TENT2: variants seen among roughly 807,000 people sequenced by gnomAD.
TENT2 encodes terminal nucleotidyltransferase 2, also known as poly(A) RNA polymerase GLD2.
TENT2 carries 44 observed loss-of-function variants against 72.2 expected under a neutral mutation model. The observed-to-expected ratio is 0.61, with a 90% CI of 0.48 to 0.78. The LOEUF (loss-of-function observed/expected upper bound fraction) is 0.78, where lower values mean the gene tolerates loss of function less well. Ranked by LOEUF, TENT2 falls within the 30% of genes least tolerant of loss-of-function variation. The probability of loss-of-function intolerance (pLI) is 0.00; values close to 1 mark genes in which losing one functional copy is unlikely to be tolerated. For synonymous variants in TENT2, 212 were observed against 192.5 expected (o/e 1.10, Z -0.84); for missense variants, 541 against 569.6 (o/e 0.95, Z 0.51).
At chr5:79,672,734 A>C (rs2150741082) in intron 12 of TENT2, among the ~76,000 whole-genome samples, 1 of 152,262 alleles carries the variant, frequency 6.6e-6, no homozygotes, top group Non-Finnish European at 1.5e-5. Flanking sequence ...GTTCCTTCTA[A>C]ATTTTGGCTA....
chr5:79,687,174 C>G lies in TENT2; in HGVS notation c.*1901C>G, dbSNP rs1250211408. On this transcript the variant is annotated 3_prime_UTR_variant, in exon 15 of 15. Coordinates refer to ENST00000453514, the MANE Select transcript of TENT2 (RefSeq NM_001114394.3). Reference sequence around the variant, plus strand: ...CCACGAAAAACAGATCAAGAAGTCACTAAACTTAGACCCAATTCTATATCA... The same window carrying G: ...CCACGAAAAACAGATCAAGAAGTCAGTAAACTTAGACCCAATTCTATATCA... Among the ~76,000 whole-genome samples, 1 of 152,180 alleles carries G rather than the reference C, an allele frequency of 6.6e-6. No homozygotes were observed.
intron 11 of TENT2, among the ~76,000 whole-genome samples, chr5:79,659,893 G>A (rs1225292589): frequency 2.6e-5 from 4 of 151,364 alleles, no homozygotes; most frequent in African/African-American, 7.3e-5. Context: ...TACCTTTAAG[G>A]GCAGCAGTTA....
At chr5:79,670,026 C>A (rs557057632) in intron 12 of TENT2, among the ~76,000 whole-genome samples, 1 of 151,668 alleles carries the variant, frequency 6.6e-6, no homozygotes, top group African/African-American at 2.4e-5. Context: ...TCGAGACCAG[C>A]CAGACCAACA....
At chr5:79,636,482 T>C (rs1398015414) in intron 4 of TENT2, among the ~76,000 whole-genome samples, 3 of 152,222 alleles carry the variant, frequency 2.0e-5, no homozygotes, top group African/African-American at 4.8e-5. Flanking sequence ...TGTAGTGTTA[T>C]ATTAAGTATA....
At chr5:79,643,478 C>A (rs1003157836) in intron 7 of TENT2, among the ~76,000 whole-genome samples, 2 of 152,180 alleles carry the variant, frequency 1.3e-5, no homozygotes, top group East Asian at 3.8e-4. Flanking sequence ...CAAATAATTT[C>A]TTTTAAACTT....
chr5:79,634,437 A>G (rs1047284326), intron 4 of TENT2, among the ~76,000 whole-genome samples: 16 of 151,964 alleles, frequency 1.1e-4, no homozygotes, highest in African/African-American at 3.9e-4. Context: ...CCCAGGTTCA[A>G]GTGATTCTCC....
chr5:79,680,430 G>T (rs1398297408), intron 13 of TENT2, among the ~76,000 whole-genome samples: 1 of 152,162 alleles, frequency 6.6e-6, no homozygotes, highest in African/African-American at 2.4e-5. Flanking sequence ...GTGCTATGAT[G>T]ATGCAATTCA....
At position 79,687,767 on chromosome 5, in the gene TENT2, A is replaced by C. The variant is rs1447355434; in HGVS notation, c.*2494A>C. 1.3e-5 allele frequency among the ~76,000 whole-genome samples: 2 copies of C among 152,246 alleles called. No homozygotes were observed. Among genetic ancestry groups the C allele is most frequent in the Non-Finnish European group, 2.9e-5 (2 of 68,044 alleles). On this transcript the variant is annotated 3_prime_UTR_variant, in exon 15 of 15. Transcript: ENST00000453514. Reference sequence around the variant, plus strand: ...GTGTTTAAAATGTGCAATCTGTACTACAATTCTAAATTTTGGATTGATTTG... The same window carrying C: ...GTGTTTAAAATGTGCAATCTGTACTCCAATTCTAAATTTTGGATTGATTTG...
rs368560743 is a variant in TENT2 at position 79,619,734 on chromosome 5, T to G, written c.86T>G (p.Val29Gly). The change falls in exon 2 of 15, where the codon GTT (valine) becomes GGT (glycine). Residue 29 changes from valine (V) to glycine (G), a missense_variant. Physicochemically the swap from Val to Gly is moderately radical, Grantham distance 109. Transcript: ENST00000453514. Reference protein sequence around the residue: ...HNNFFTLSPTVYSHQQLIDAQ... With the variant: ...HNNFFTLSPTGYSHQQLIDAQ... ...AACTTCTTTACCCTGTCACCTACTG[T>G]TTATTCACACCAGCAGCTTATAGAT... 306 of 1,613,794 alleles carry G rather than the reference T, an allele frequency of 1.9e-4. No homozygotes were observed. Among genetic ancestry groups the G allele is most frequent in the Non-Finnish European group, 2.5e-4 (294 of 1,179,862 alleles).
intron 10 of TENT2, among the ~76,000 whole-genome samples, chr5:79,655,958 A>G (rs1797658194): frequency 6.6e-6 from 1 of 151,942 alleles, no homozygotes; most frequent in Non-Finnish European, 1.5e-5. Flanking sequence ...ATGGTTCATT[A>G]CATTTACATT....
chr5:79,673,616 A>T (rs962289003), intron 12 of TENT2, among the ~76,000 whole-genome samples: 55 of 152,206 alleles, frequency 3.6e-4, no homozygotes, highest in African/African-American at 1.2e-3. Flanking sequence ...GTATGGATTT[A>T]TTTTGGCATT....
Position 79,685,667 on chromosome 5 carries a change from G to A in TENT2, c.*394G>A, listed in dbSNP as rs573378976. 7 of 155,814 alleles carry A rather than the reference G, an allele frequency of 4.5e-5. No individual in the cohort carries two copies. Among genetic ancestry groups the A allele is most frequent in the Non-Finnish European group, 1.4e-5 (1 of 70,412 alleles). 9.7% of individuals were successfully genotyped at this position (155,814 alleles called of 1,614,324 possible). A position where few individuals can be genotyped will look rare whatever the true frequency, so the allele number is the denominator to read the frequency against. ...CATACATGCTTAAAGTATAACCTAC[G>A]TTAGATAGTTTGTTGTCAAAGTCTG... is the stretch of plus-strand genomic sequence containing the variant. On this transcript the variant is annotated 3_prime_UTR_variant, in exon 15 of 15. Coordinates refer to ENST00000453514, the MANE Select transcript of TENT2 (RefSeq NM_001114394.3).
At chr5:79,648,543 A>G (rs2150125490) in intron 8 of TENT2, 74 bp from the exon 9 acceptor site, 2 of 1,016,090 alleles carry the variant, frequency 2.0e-6, no homozygotes, top group Non-Finnish European at 1.4e-6. Flanking sequence ...ATGAGCATTA[A>G]TTTAGTTATT....
intron 4 of TENT2, among the ~76,000 whole-genome samples, chr5:79,626,360 T>A (rs936158434): frequency 6.7e-6 from 1 of 148,840 alleles, no homozygotes; most frequent in South Asian, 2.1e-4. Context: ...CAGGCTGGAG[T>A]GCAGTGGTAC....
intron 1 of TENT2, chr5:79,617,430 A>G (rs1184086683): frequency 6.6e-6 from 1 of 152,064 alleles, no homozygotes; most frequent in Non-Finnish European, 1.5e-5. Flanking sequence ...TTAACTAGCT[A>G]CTTTTCTGTA....
intron 11 of TENT2, among the ~76,000 whole-genome samples, chr5:79,658,429 G>A (rs115494257): frequency 0.018 from 2,783 of 150,800 alleles, 94 homozygotes; most frequent in African/African-American, 0.062. Context: ...GGCCTCAAGC[G>A]AGCCTTCTAC....
chr5:79,664,158 C>A (rs1010091616), intron 11 of TENT2, among the ~76,000 whole-genome samples: 2 of 152,090 alleles, frequency 1.3e-5, no homozygotes, highest in Non-Finnish European at 2.9e-5. Flanking sequence ...ACTTTAGCAT[C>A]CCCTGGAGCC....
At chr5:79,663,864 C>T (rs1006225454) in intron 11 of TENT2, among the ~76,000 whole-genome samples, 14 of 152,084 alleles carry the variant, frequency 9.2e-5, no homozygotes, top group African/African-American at 2.2e-4. Flanking sequence ...GCAGTATCTT[C>T]GAAGTACAGT....
At chr5:79,643,888 T>C (rs1417716609) in intron 7 of TENT2, among the ~76,000 whole-genome samples, 1 of 152,178 alleles carries the variant, frequency 6.6e-6, no homozygotes, top group African/African-American at 2.4e-5. Context: ...TATAGTTTGT[T>C]GGTCTCAGAA....
Sources: gnomAD v4.1 joint callset for allele counts (sites outside exome capture counted in the v4.1 genomes callset) on GRCh38, gnomAD v4.1.1 for gene constraint, MANE v1.5 for transcripts, NCBI Gene and HGNC (gene_info 2026-07-23, HGNC 2026-07-21) for gene names.